CYTH3: variants seen among roughly 807,000 people sequenced by gnomAD.
The protein encoded by CYTH3 is cytohesin 3, also known as cytohesin-3.
Under a neutral mutation model 55.1 loss-of-function variants are expected in CYTH3, and 23 were observed. The observed-to-expected ratio is 0.42, with a 90% CI of 0.30 to 0.59. The LOEUF (loss-of-function observed/expected upper bound fraction) is 0.59, where lower values mean the gene tolerates loss of function less well. CYTH3 is among the 20% of genes least tolerant of loss of function. CYTH3 has a pLI of 0.20. For synonymous variants in CYTH3, 249 were observed against 194.9 expected (o/e 1.28, Z -2.31); for missense variants, 413 against 524.8 (o/e 0.79, Z 2.08).
intron 1 of CYTH3, among the ~76,000 whole-genome samples, chr7:6,193,744 C>T (rs571372866): frequency 5.3e-5 from 8 of 152,264 alleles, no homozygotes; most frequent in South Asian, 4.1e-4. Flanking sequence ...TCCCACGCCA[C>T]GGAAGACTGC....
intron 1 of CYTH3, among the ~76,000 whole-genome samples, chr7:6,226,506 C>T (rs187088681): frequency 6.6e-4 from 101 of 152,268 alleles, no homozygotes; most frequent in African/African-American, 2.3e-3. Context: ...CTTTTTATCT[C>T]ACAGTCCAGG....
At chr7:6,196,567 C>T (rs1481459418) in intron 1 of CYTH3, among the ~76,000 whole-genome samples, 3 of 146,668 alleles carry the variant, frequency 2.0e-5, no homozygotes, top group African/African-American at 7.5e-5. Flanking sequence ...TCAAGTGATT[C>T]TCCTGCCCCA....
intron 1 of CYTH3, among the ~76,000 whole-genome samples, chr7:6,194,516 T>A (rs1342972348): frequency 1.3e-5 from 2 of 152,214 alleles, no homozygotes; most frequent in Non-Finnish European, 2.9e-5. Flanking sequence ...CTCACCAGAC[T>A]GTGACCTGTC....
At chr7:6,268,451 A>T (rs6961095) in intron 1 of CYTH3, among the ~76,000 whole-genome samples, 29,104 of 152,120 alleles carry the variant, frequency 0.19, 5,048 homozygotes, top group African/African-American at 0.46. Flanking sequence ...ATTATAGGTG[A>T]GAGCCGCCGC....
rs1783192290 is a variant in CYTH3, at chr7:6,171,484, C to G, written c.450-170G>C. On this transcript the variant is annotated intron_variant, in intron 6 of 12. Coordinates refer to ENST00000350796, the MANE Select transcript of CYTH3 (RefSeq NM_004227.4). This position sits in a 1 kb window ranked among gnomAD's most constrained non-coding sequence, Gnocchi z 6.7. The stretch of plus-strand genomic sequence containing the variant: ...GAAAGGAGAAGACCCAGGACAGTCT[C>G]CTTCCGTTCCATAACTCGAGACACG... 6.6e-6 allele frequency among the ~76,000 whole-genome samples: 1 copy of G among 152,192 alleles called. No individual in the cohort carries two copies. Among genetic ancestry groups the G allele is most frequent in the Non-Finnish European group, 1.5e-5 (1 of 68,026 alleles).
chr7:6,165,500 T>C (rs772611315), intron 11 of CYTH3, 45 bp downstream of exon 11: 2 of 1,610,390 alleles, frequency 1.2e-6, no homozygotes, highest in Admixed American at 3.3e-5. Flanking sequence ...TGAGGATGGC[T>C]CCCAGGTGGC....
intron 5 of CYTH3, among the ~76,000 whole-genome samples, chr7:6,176,037 A>G (rs1337067339): frequency 6.6e-6 from 1 of 152,174 alleles, no homozygotes; most frequent in Non-Finnish European, 1.5e-5. Context: ...CATCTTAGCA[A>G]TAGTAAGCCC....
intron 1 of CYTH3, among the ~76,000 whole-genome samples, chr7:6,249,533 C>T (rs147702652): frequency 2.8e-3 from 420 of 152,336 alleles, no homozygotes; most frequent in African/African-American, 9.6e-3. Context: ...ACCAACAGAA[C>T]CCAAAATCCA....
chr7:6,186,243 C>CAAAA (rs35117209), intron 4 of CYTH3, among the ~76,000 whole-genome samples: 1 of 77,236 alleles, frequency 1.3e-5, no homozygotes. Context: ...GACTCTATCT[C>CAAAA]AAAAAAAAAA....
chr7:6,177,582 C>T (rs1226557173), intron 5 of CYTH3, among the ~76,000 whole-genome samples: 3 of 152,246 alleles, frequency 2.0e-5, no homozygotes, highest in Non-Finnish European at 2.9e-5. Context: ...CCCTGAAAAA[C>T]AGGATTCCAG....
chr7:6,179,614 ACACACACAC>A (rs1783427548), intron 4 of CYTH3, among the ~76,000 whole-genome samples: 1 of 113,908 alleles, frequency 8.8e-6, no homozygotes, highest in African/African-American at 3.7e-5. Flanking sequence ...CACACACCAC[ACACACACAC>A]CCCCCACATA....
chr7:6,179,684 A>C lies in CYTH3; in HGVS notation c.250-1743T>G, dbSNP rs1355028591. Among the ~76,000 whole-genome samples, 104 of 43,500 alleles carry C rather than the reference A, an allele frequency of 2.4e-3. 1 individual carries two copies. The highest frequency in any genetic ancestry group is 8.3e-3 in the African/African-American group (60 of 7,272). 28.5% of individuals were successfully genotyped at this position (43,500 alleles called of 152,430 possible). A position where few individuals can be genotyped will look rare whatever the true frequency, so the allele number is the denominator to read the frequency against. ...CACACCCCACACACACACCACACACACCCCCCCACACACACACCCCACACA... is the reference window on the plus strand; with the variant it reads ...CACACCCCACACACACACCACACACCCCCCCCCACACACACACCCCACACA... On this transcript the variant is annotated intron_variant, in intron 4 of 12. Coordinates refer to ENST00000350796, the MANE Select transcript of CYTH3 (RefSeq NM_004227.4).
intron 1 of CYTH3, among the ~76,000 whole-genome samples, chr7:6,255,511 G>A (rs997847045): frequency 6.6e-6 from 1 of 152,166 alleles, no homozygotes; most frequent in African/African-American, 2.4e-5. Flanking sequence ...GTTATCTCCA[G>A]CATGATGCAT....
chr7:6,190,638 T>C (rs12669486), intron 1 of CYTH3, 107 bp from the exon 2 acceptor site: 53,643 of 847,676 alleles, frequency 0.063, 2,266 homozygotes, highest in African/African-American at 0.14. Context: ...ACGCAGGTAT[T>C]TATCCTAAAG....
intron 1 of CYTH3, among the ~76,000 whole-genome samples, chr7:6,201,796 G>C (rs1342156389): frequency 6.6e-6 from 1 of 152,090 alleles, no homozygotes; most frequent in Non-Finnish European, 1.5e-5. Context: ...GTCAAGTTAA[G>C]AAGGCATACT....
At chr7:6,231,697 T>C (rs571487940) in intron 1 of CYTH3, among the ~76,000 whole-genome samples, 47 of 152,350 alleles carry the variant, frequency 3.1e-4, no homozygotes, top group African/African-American at 1.1e-3. Flanking sequence ...GATCAATTCA[T>C]AGAAACAAAT....
intron 1 of CYTH3, among the ~76,000 whole-genome samples, chr7:6,258,867 A>G (rs1430551686): frequency 5.3e-5 from 8 of 152,220 alleles, no homozygotes; most frequent in Admixed American, 5.2e-4. Context: ...GCTTTGATGA[A>G]CCCTCATATT....
chr7:6,184,857 C>A (rs192907860), intron 4 of CYTH3, among the ~76,000 whole-genome samples: 2 of 152,152 alleles, frequency 1.3e-5, no homozygotes, highest in South Asian at 2.1e-4. Context: ...GGATTATACG[C>A]GTAAGCCACC....
In CYTH3 at chr7:6,230,580, A is replaced by T. The variant is rs533125511; in HGVS notation, c.35-40049T>A. Among the ~76,000 whole-genome samples the T allele has an allele frequency of 3.9e-5, 6 of 152,336 alleles. No homozygotes were observed. The East Asian group carries it at 1.2e-3, about 29-fold the overall frequency. On this transcript the variant is annotated intron_variant, in intron 1 of 12. Transcript: ENST00000350796. ...TCACAGTGGGGTTTACACGGTGAAA[A>T]AAATGTAAGAGACCTAAGCGTCCAC...
Sources: gnomAD v4.1 joint callset for allele counts (sites outside exome capture counted in the v4.1 genomes callset) on GRCh38, gnomAD v4.1.1 for gene constraint, Gnocchi (gnomAD v3.1) non-coding constraint, MANE v1.5 for transcripts, NCBI Gene and HGNC (gene_info 2026-07-23, HGNC 2026-07-21) for gene names.